The following ANXA4 variants were observed in gnomAD, a reference collection of about 807,000 sequenced individuals.
ANXA4 encodes annexin A4.
Under a neutral mutation model 49.8 loss-of-function variants are expected in ANXA4, and 39 were observed. That is an observed-to-expected ratio of 0.78 (90% confidence interval 0.61 to 1.02). ANXA4 has a LOEUF of 1.02. ANXA4 is among the 50% of genes least tolerant of loss of function. ANXA4 has a pLI of 0.00. For synonymous variants in ANXA4, 134 were observed against 152.5 expected (o/e 0.88, Z 0.89); for missense variants, 360 against 410.1 (o/e 0.88, Z 1.05).
intron 1 of ANXA4, among the ~76,000 whole-genome samples, chr2:69,760,112 A>G (rs555521514): frequency 5.5e-4 from 83 of 152,224 alleles, no homozygotes; most frequent in Admixed American, 1.8e-3. Flanking sequence ...GATTACATGC[A>G]TGAGCCACCA....
At chr2:69,673,305 C>A (rs997713294) in intron 2 of ANXA4, among the ~76,000 whole-genome samples, 9 of 152,128 alleles carry the variant, frequency 5.9e-5, no homozygotes, top group African/African-American at 2.2e-4. Context: ...CACATATACA[C>A]CATGGAATAC....
chr2:69,740,863 T>TG (rs1559129173), upstream of ANXA4, among the ~76,000 whole-genome samples: 3 of 148,038 alleles, frequency 2.0e-5, no homozygotes, highest in Admixed American at 6.7e-5. Context: ...ATGTTTTTTT[T>TG]TTTTTTTTTT....
chr2:69,658,479 C>T (rs1052776981), intron 2 of ANXA4, among the ~76,000 whole-genome samples: 1 of 151,596 alleles, frequency 6.6e-6, no homozygotes. Context: ...CTGTTCATAC[C>T]CTCACCTTCT....
intron 1 of ANXA4, among the ~76,000 whole-genome samples, chr2:69,759,344 A>G (rs2105518624): frequency 6.6e-6 from 1 of 152,320 alleles, no homozygotes; most frequent in South Asian, 2.1e-4. Flanking sequence ...GAAACACTGG[A>G]ATAAACAGAA....
rs532184032 is a variant in ANXA4, at chr2:69,717,298, T to C, written n.767-3476T>C. On this transcript the variant is annotated intron_variant and non_coding_transcript_variant, in intron 2 of 3. Coordinates refer to the ANXA4 transcript ENST00000418066. ...GCATTGAGGTGGCAGGAGGCTTCTG[T>C]GCAGAAAACTGAGGCTGGTGCTGGA... 4.6e-5 allele frequency among the ~76,000 whole-genome samples: 7 copies of C among 152,334 alleles called. No homozygotes were observed. The East Asian group carries it at 1.3e-3, about 29-fold the overall frequency.
intron 1 of ANXA4, 131 bp downstream of exon 1, chr2:69,742,306 G>A (rs1670427699): frequency 6.6e-6 from 1 of 152,048 alleles, no homozygotes; most frequent in Non-Finnish European, 1.5e-5. Context: ...GCCGGCTTGC[G>A]GGCAAGCCCG....
chr2:69,737,581 G>A (rs2105458129), upstream of ANXA4, among the ~76,000 whole-genome samples: 1 of 152,080 alleles, frequency 6.6e-6, no homozygotes, highest in East Asian at 1.9e-4. Context: ...TTCTATGAGT[G>A]TTCCTTTTTT....
intron 2 of ANXA4, among the ~76,000 whole-genome samples, chr2:69,697,268 T>C (rs1308339135): frequency 1.3e-5 from 2 of 152,242 alleles, no homozygotes; most frequent in African/African-American, 4.8e-5. Flanking sequence ...AGATGGCTTC[T>C]TGCCTTAAAT....
At chr2:69,684,692 AAAAAAAAAAG>A (rs1344896547) in intron 2 of ANXA4, among the ~76,000 whole-genome samples, 1 of 151,742 alleles carries the variant, frequency 6.6e-6, no homozygotes, top group African/African-American at 2.4e-5. Flanking sequence ...TCTCAAAAAA[AAAAAAAAAAG>A]AAAGAAAGAG....
intron 1 of ANXA4, among the ~76,000 whole-genome samples, chr2:69,648,854 A>AT (rs1482804634): frequency 1.6e-5 from 2 of 126,416 alleles, no homozygotes; most frequent in African/African-American, 2.9e-5. Flanking sequence ...ACGTTTCTTG[A>AT]TTTTTTTAAT....
intron 3 of ANXA4, among the ~76,000 whole-genome samples, chr2:69,726,829 G>C (rs577406354): frequency 6.6e-6 from 1 of 152,210 alleles, no homozygotes; most frequent in Admixed American, 6.5e-5. Flanking sequence ...TATTTCTCTT[G>C]CTGTATTGTA....
At chr2:69,801,330 T>C (rs1673184829) in intron 3 of ANXA4, among the ~76,000 whole-genome samples, 1 of 152,002 alleles carries the variant, frequency 6.6e-6, no homozygotes, top group Non-Finnish European at 1.5e-5. Context: ...GAAAAAAAAA[T>C]GATTTTGGGG....
chr2:69,825,844 T>C lies in ANXA4; in HGVS notation c.*329T>C. On this transcript the variant is annotated 3_prime_UTR_variant, in exon 13 of 13. Coordinates refer to ENST00000394295, the MANE Select transcript of ANXA4 (RefSeq NM_001153.5). ...TATTAAATTATTCCATATTTTCTTTTCAGTGAAAAATTTTTTAAATGGAAG... is the reference window on the plus strand; with the variant it reads ...TATTAAATTATTCCATATTTTCTTTCCAGTGAAAAATTTTTTAAATGGAAG... The C allele has an allele frequency of 1.1e-5, 2 of 184,380 alleles. No individual in the cohort carries two copies. Among genetic ancestry groups the C allele is most frequent in the South Asian group, 3.8e-4 (2 of 5,290 alleles). 11.4% of individuals were successfully genotyped at this position (184,380 alleles called of 1,614,324 possible).
chr2:69,739,041 C>T (rs561858179), upstream of ANXA4, among the ~76,000 whole-genome samples: 2 of 152,352 alleles, frequency 1.3e-5, no homozygotes, highest in South Asian at 4.1e-4. Flanking sequence ...AGAGCCACTG[C>T]ATGATTCTTC....
chr2:69,644,181 C>A (rs905362553), upstream of ANXA4, among the ~76,000 whole-genome samples: 2 of 80,982 alleles, frequency 2.5e-5, no homozygotes, highest in African/African-American at 4.3e-5. Flanking sequence ...CCCCCCCCCC[C>A]CGCTGTATGT....
At chr2:69,746,063 G>A (rs1412270547) in intron 1 of ANXA4, among the ~76,000 whole-genome samples, 1 of 152,060 alleles carries the variant, frequency 6.6e-6, no homozygotes, top group East Asian at 1.9e-4. Flanking sequence ...CCAGGCTGGA[G>A]TGCAGTCGTG....
chr2:69,770,644 A>G (rs2105555627), intron 1 of ANXA4, among the ~76,000 whole-genome samples: 1 of 152,214 alleles, frequency 6.6e-6, no homozygotes, highest in East Asian at 1.9e-4. Flanking sequence ...TGCAACATCC[A>G]GCAGACCCAG....
At position 69,650,654 on chromosome 2, in the gene ANXA4, A is replaced by C. The variant is rs188116888; in HGVS notation, n.482-2344A>C. Among the ~76,000 whole-genome samples, 955 of 152,190 alleles carry C rather than the reference A, an allele frequency of 6.3e-3. 22 individuals are homozygous for C. Among genetic ancestry groups the C allele is most frequent in the East Asian group, 0.011 (57 of 5,162 alleles). On this transcript the variant is annotated intron_variant and non_coding_transcript_variant, in intron 1 of 3. Transcript: ENST00000418066. Reference sequence around the variant, plus strand: ...TTTTTTGTAGAGACAGGGTGTTTCTATGTTGCCTAGTCTGATCTTGAACTC... The same window carrying C: ...TTTTTTGTAGAGACAGGGTGTTTCTCTGTTGCCTAGTCTGATCTTGAACTC...
At chr2:69,712,309 G>A (rs1056315524) in intron 2 of ANXA4, among the ~76,000 whole-genome samples, 1 of 152,208 alleles carries the variant, frequency 6.6e-6, no homozygotes, top group Non-Finnish European at 1.5e-5. Flanking sequence ...GCCTTAAAGC[G>A]CATTAGTTAG....
Sources: allele counts gnomAD v4.1 joint callset (sites outside exome capture counted in the v4.1 genomes callset), GRCh38; gene constraint gnomAD v4.1.1; transcripts MANE v1.5; gene names NCBI Gene and HGNC (gene_info 2026-07-23, HGNC 2026-07-21).